Variants in PLPPR5 observed in about 807,000 individuals in gnomAD.
The protein encoded by PLPPR5 is phospholipid phosphatase-related protein type 5.
Under a neutral mutation model 33.9 loss-of-function variants are expected in PLPPR5, and 16 were observed. The ratio of observed to expected loss-of-function variants is 0.47; its 90% CI spans 0.32 to 0.72. PLPPR5 has a LOEUF of 0.72. PLPPR5 is among the 30% of genes least tolerant of loss of function. PLPPR5 has a pLI of 0.03. For missense variants in PLPPR5, 301 were observed against 406.7 expected (o/e 0.74, Z 2.23); for synonymous variants, 163 against 150.3 (o/e 1.08, Z -0.62).
At chr1:98,942,217 A>T (rs892299857) in intron 3 of PLPPR5, among the ~76,000 whole-genome samples, 1 of 152,052 alleles carries the variant, frequency 6.6e-6, no homozygotes, top group South Asian at 2.1e-4. Context: ...AATTACAGAC[A>T]TGCACCACTG....
chr1:98,950,619 A>C (rs946618261), intron 3 of PLPPR5, among the ~76,000 whole-genome samples: 5 of 152,218 alleles, frequency 3.3e-5, no homozygotes, highest in African/African-American at 1.2e-4. Flanking sequence ...ATAGCAGCAC[A>C]ATCAACACCA....
At chr1:98,942,561 T>C (rs1650414914) in intron 3 of PLPPR5, among the ~76,000 whole-genome samples, 1 of 152,208 alleles carries the variant, frequency 6.6e-6, no homozygotes. Flanking sequence ...GTCATTGTGC[T>C]GTAAGGAGAC....
At chr1:98,944,213 A>T (rs924587791) in intron 3 of PLPPR5, among the ~76,000 whole-genome samples, 2 of 152,200 alleles carry the variant, frequency 1.3e-5, no homozygotes, top group Non-Finnish European at 2.9e-5. Context: ...CATGCTAGAC[A>T]TTCCCTCCAA....
intron 1 of PLPPR5, among the ~76,000 whole-genome samples, chr1:98,971,827 G>T (rs189013710): frequency 4.6e-4 from 70 of 152,108 alleles, no homozygotes; most frequent in African/African-American, 1.6e-3. Flanking sequence ...TTCAAAAACA[G>T]AATTAGTCTT....
intron 1 of PLPPR5, among the ~76,000 whole-genome samples, chr1:99,001,700 A>ATATATATATATG (rs1652857569): frequency 2.1e-5 from 3 of 144,808 alleles, no homozygotes; most frequent in Non-Finnish European, 4.5e-5. Flanking sequence ...ATATATATAT[A>ATATATATATATG]TATATGAAGC....
intron 4 of PLPPR5, among the ~76,000 whole-genome samples, chr1:98,917,837 G>A (rs958556138): frequency 5.3e-5 from 8 of 152,154 alleles, no homozygotes; most frequent in African/African-American, 1.9e-4. Context: ...TTCCACAAAT[G>A]CAAAGATGCT....
At chr1:98,999,966 T>G (rs1652766237) in intron 1 of PLPPR5, among the ~76,000 whole-genome samples, 1 of 152,210 alleles carries the variant, frequency 6.6e-6, no homozygotes, top group African/African-American at 2.4e-5. Context: ...AAGATGGTGA[T>G]CTAGCTTCAT....
rs1420066011 is a variant in PLPPR5, at chr1:98,890,841, C to T, written c.*2231G>A. 2.0e-5 allele frequency: 3 copies of T among 152,496 alleles called. No individual in the cohort carries two copies. The highest frequency in any genetic ancestry group is 7.2e-5 in the African/African-American group (3 of 41,414). 9.4% of individuals were successfully genotyped at this position (152,496 alleles called of 1,614,324 possible). A position where few individuals can be genotyped will look rare whatever the true frequency, so the allele number is the denominator to read the frequency against. On this transcript the variant is annotated 3_prime_UTR_variant, in exon 6 of 6. Transcript: ENST00000263177. ...TGTAAATAGTAGAGGTGACTTTACTCTGGTTCTGGGTTAAATCTGAGTTTT... is the reference window on the plus strand; with the variant it reads ...TGTAAATAGTAGAGGTGACTTTACTTTGGTTCTGGGTTAAATCTGAGTTTT...
chr1:98,916,182 T>C (rs1475647741), intron 4 of PLPPR5, among the ~76,000 whole-genome samples: 1 of 152,204 alleles, frequency 6.6e-6, no homozygotes, highest in Non-Finnish European at 1.5e-5. Flanking sequence ...TTTACAAATC[T>C]ACAAAATAAG....
At chr1:98,933,150 A>C (rs1650044940) in intron 3 of PLPPR5, among the ~76,000 whole-genome samples, 1 of 152,084 alleles carries the variant, frequency 6.6e-6, no homozygotes, top group African/African-American at 2.4e-5. Context: ...TCCAGGGACA[A>C]ACAAAACAAA....
At chr1:98,944,400 G>T (rs1217887292) in intron 3 of PLPPR5, among the ~76,000 whole-genome samples, 1 of 152,176 alleles carries the variant, frequency 6.6e-6, no homozygotes, top group African/African-American at 2.4e-5. Context: ...TATATGTTGA[G>T]ATCCTAACTC....
chr1:98,962,751 C>T (rs1014818384), intron 1 of PLPPR5, among the ~76,000 whole-genome samples: 2 of 152,132 alleles, frequency 1.3e-5, no homozygotes, highest in African/African-American at 4.8e-5. Flanking sequence ...CTCAAGCCAT[C>T]CTCCCACCTC....
chr1:99,000,223 G>C (rs2100768440), intron 1 of PLPPR5, among the ~76,000 whole-genome samples: 1 of 152,220 alleles, frequency 6.6e-6, no homozygotes, highest in South Asian at 2.1e-4. Context: ...CTGTAAATAA[G>C]CCCAAATTAC....
At chr1:98,929,336 AC>A (rs1461597923) in intron 3 of PLPPR5, among the ~76,000 whole-genome samples, 6 of 152,262 alleles carry the variant, frequency 3.9e-5, no homozygotes, top group Non-Finnish European at 7.3e-5. Context: ...TTAAAACTAT[AC>A]ATGTGTTAGG....
intron 4 of PLPPR5, among the ~76,000 whole-genome samples, chr1:98,921,560 A>G (rs550510902): frequency 6.6e-5 from 10 of 152,322 alleles, no homozygotes; most frequent in African/African-American, 2.4e-4. Context: ...AAAAAATATT[A>G]TAGGCAGTTT....
In PLPPR5 at chr1:98,914,822, T is replaced by G. The variant is rs373204041; in HGVS notation, c.897A>C (p.Arg299=). ...LAQMPMISIP[R]VESPLEKVTS... is the part of the protein sequence containing the mutation. ...TTACCTTTTCCAAAGGACTTTCTACTCGAGGAATGCTGATCATTGGCATCT... is the reference window on the plus strand; with the variant it reads ...TTACCTTTTCCAAAGGACTTTCTACGCGAGGAATGCTGATCATTGGCATCT... Residue 299 remains arginine, a synonymous_variant, in exon 5 of 6, where the codon CGA becomes CGC. Coordinates refer to ENST00000263177, the MANE Select transcript of PLPPR5 (RefSeq NM_001037317.2). 4.3e-6 allele frequency: 7 copies of G among 1,613,218 alleles called. No homozygotes were observed. The African/African-American group carries it at 5.3e-5, about 12-fold the overall frequency.
chr1:98,984,372 C>G (rs1036974984), intron 1 of PLPPR5, among the ~76,000 whole-genome samples: 1 of 152,016 alleles, frequency 6.6e-6, no homozygotes, highest in South Asian at 2.1e-4. Flanking sequence ...ACTGAGTACA[C>G]CCCCTTCCAG....
chr1:98,953,457 T>C, intron 2 of PLPPR5, 137 bp from the exon 3 acceptor site: 2 of 1,295,370 alleles, frequency 1.5e-6, no homozygotes, highest in Non-Finnish European at 1.0e-6. Flanking sequence ...ATTCCATGCA[T>C]ATACATAGTT....
Position 98,914,834 on chromosome 1 carries a change from G to A in PLPPR5, c.885C>T (p.Ile295=), listed in dbSNP as rs755540648. Residue 295 remains isoleucine (I), a synonymous_variant, in exon 5 of 6, where the codon ATC becomes ATT. Transcript: ENST00000263177. ...AAGGACTTTCTACTCGAGGAATGCT[G>A]ATCATTGGCATCTGTGCCAGATTAT... ...HMDNLAQMPM[I]SIPRVESPLE... is the part of the protein sequence containing the mutation. 1.2e-6 allele frequency: 2 copies of A among 1,613,164 alleles called. No individual in the cohort carries two copies. Among genetic ancestry groups the A allele is most frequent in the Non-Finnish European group, 1.7e-6 (2 of 1,179,646 alleles).
Sources: allele counts gnomAD v4.1 joint callset (sites outside exome capture counted in the v4.1 genomes callset), GRCh38; gene constraint gnomAD v4.1.1; transcripts MANE v1.5; gene names NCBI Gene and HGNC (gene_info 2026-07-23, HGNC 2026-07-21).